The following C8orf34 variants were observed in gnomAD, a reference collection of about 807,000 sequenced individuals.
C8orf34 encodes the protein chromosome 8 open reading frame 34.
Under a neutral mutation model 68.3 loss-of-function variants are expected in C8orf34, and 65 were observed. The observed-to-expected ratio is 0.95, with a 90% CI of 0.78 to 1.17. C8orf34 has a LOEUF of 1.17. Ranked by LOEUF, C8orf34 falls within the 50% of genes most tolerant of loss-of-function variation. The pLI is 0.00. For synonymous variants in C8orf34, 244 were observed against 241.2 expected (o/e 1.01, Z -0.11); for missense variants, 664 against 655.4 (o/e 1.01, Z -0.14).
chr8:68,697,215 C>A (rs182637341), intron 8 of C8orf34, among the ~76,000 whole-genome samples: 102 of 151,852 alleles, frequency 6.7e-4, no homozygotes, highest in Admixed American at 3.2e-3. Flanking sequence ...CTTTTATTTG[C>A]TGTATTTCTT....
At chr8:68,613,510 A>G (rs530947991) in intron 7 of C8orf34, among the ~76,000 whole-genome samples, 4 of 147,202 alleles carry the variant, frequency 2.7e-5, no homozygotes, top group African/African-American at 7.8e-5. Context: ...TCATCGTTCA[A>G]TTCCCATCTA....
intron 4 of C8orf34, among the ~76,000 whole-genome samples, chr8:68,479,624 T>C (rs1007409656): frequency 2.6e-5 from 4 of 152,180 alleles, no homozygotes; most frequent in Admixed American, 1.3e-4. Flanking sequence ...CTTTGTCCTC[T>C]GAGACTGAAG....
chr8:68,476,687 A>G (rs1251243789), intron 4 of C8orf34, among the ~76,000 whole-genome samples: 1 of 152,184 alleles, frequency 6.6e-6, no homozygotes, highest in Non-Finnish European at 1.5e-5. Context: ...AACCATACAT[A>G]TTTATGTGGG....
At chr8:68,528,966 GCTC>G (rs1404162227) in intron 6 of C8orf34, among the ~76,000 whole-genome samples, 2 of 152,186 alleles carry the variant, frequency 1.3e-5, no homozygotes, top group African/African-American at 4.8e-5. Flanking sequence ...CCTAGGGCAA[GCTC>G]CTCCACTCAG....
chr8:68,787,997 A>G (rs1460802007), intron 12 of C8orf34, among the ~76,000 whole-genome samples: 1 of 152,228 alleles, frequency 6.6e-6, no homozygotes. Flanking sequence ...ACTGAAAACA[A>G]GTAGACTAAT....
chr8:68,779,180 AACACACAC>A (rs10550333), intron 11 of C8orf34, among the ~76,000 whole-genome samples: 7,563 of 139,138 alleles, frequency 0.054, 252 homozygotes, highest in East Asian at 0.13. Flanking sequence ...CTGTCTCTGA[AACACACAC>A]ACACACACAC....
chr8:68,577,957 G>A (rs758793658), intron 7 of C8orf34, among the ~76,000 whole-genome samples: 6 of 151,678 alleles, frequency 4.0e-5, no homozygotes, highest in Non-Finnish European at 7.4e-5. Context: ...ATAAGAGATT[G>A]TTGTCCTCTT....
At chr8:68,341,384 C>G (rs1268338864) in intron 1 of C8orf34, among the ~76,000 whole-genome samples, 1 of 152,096 alleles carries the variant, frequency 6.6e-6, no homozygotes, top group Non-Finnish European at 1.5e-5. Context: ...CAGTCTTACA[C>G]CTTGTACAAA....
At chr8:68,670,788 T>C (rs1025645424) in intron 8 of C8orf34, among the ~76,000 whole-genome samples, 3 of 152,314 alleles carry the variant, frequency 2.0e-5, no homozygotes, top group Non-Finnish European at 4.4e-5. Context: ...TCTTTCTCTA[T>C]TTATCTGTCT....
At chr8:68,440,531 C>T (rs1563440679) in intron 2 of C8orf34, among the ~76,000 whole-genome samples, 1 of 152,142 alleles carries the variant, frequency 6.6e-6, no homozygotes, top group Admixed American at 6.5e-5. Context: ...CATTTATCCA[C>T]ACAAAAGTTA....
At chr8:68,658,923 C>A (rs1309818164) in intron 8 of C8orf34, among the ~76,000 whole-genome samples, 1 of 152,088 alleles carries the variant, frequency 6.6e-6, no homozygotes, top group Non-Finnish European at 1.5e-5. Context: ...CCTATCATAA[C>A]CTCCTTATAG....
intron 4 of C8orf34, among the ~76,000 whole-genome samples, chr8:68,482,527 G>A (rs1240031688): frequency 5.9e-5 from 9 of 152,038 alleles, no homozygotes; most frequent in Non-Finnish European, 1.2e-4. Flanking sequence ...CTCCCACCTC[G>A]GCTTCCCAAA....
chr8:68,804,370 T>A (rs902677760), intron 12 of C8orf34, among the ~76,000 whole-genome samples: 12 of 152,216 alleles, frequency 7.9e-5, no homozygotes, highest in African/African-American at 2.9e-4. Flanking sequence ...CATGCTTTTA[T>A]AAATCAAATC....
intron 5 of C8orf34, among the ~76,000 whole-genome samples, chr8:68,490,783 G>C (rs1468492367): frequency 6.6e-6 from 1 of 152,116 alleles, no homozygotes; most frequent in Non-Finnish European, 1.5e-5. Flanking sequence ...GGCTTCCAGA[G>C]CCATTGCCAC....
At chr8:68,390,460 C>T (rs1808434937) in intron 1 of C8orf34, among the ~76,000 whole-genome samples, 1 of 152,136 alleles carries the variant, frequency 6.6e-6, no homozygotes, top group Admixed American at 6.6e-5. Flanking sequence ...TGACAAATGC[C>T]TTGGAAGTGG....
intron 7 of C8orf34, among the ~76,000 whole-genome samples, chr8:68,632,733 C>T (rs1247153307): frequency 6.6e-6 from 1 of 152,158 alleles, no homozygotes; most frequent in Non-Finnish European, 1.5e-5. Context: ...CACTCCAGCT[C>T]CAGCCGTGGC....
At chr8:68,590,427 A>G (rs897812821) in intron 7 of C8orf34, among the ~76,000 whole-genome samples, 2 of 152,148 alleles carry the variant, frequency 1.3e-5, no homozygotes, top group Admixed American at 1.3e-4. Context: ...GTTTTACTTT[A>G]AGCCCAAAGT....
At chr8:68,560,574 C>G (rs1055154866) in intron 7 of C8orf34, among the ~76,000 whole-genome samples, 2 of 152,176 alleles carry the variant, frequency 1.3e-5, no homozygotes, top group Non-Finnish European at 2.9e-5. Context: ...CTACTACAAA[C>G]CTAGGTTAGA....
intron 3 of C8orf34, among the ~76,000 whole-genome samples, chr8:68,451,938 T>C (rs1811362294): frequency 6.6e-6 from 1 of 152,010 alleles, no homozygotes; most frequent in South Asian, 2.1e-4. Context: ...TAAAGCAAGG[T>C]ATTCCTGTAT....
Sources: gnomAD v4.1 joint callset for allele counts (sites outside exome capture counted in the v4.1 genomes callset) on GRCh38, gnomAD v4.1.1 for gene constraint, MANE v1.5 for transcripts, NCBI Gene and HGNC (gene_info 2026-07-23, HGNC 2026-07-21) for gene names.